Variants in LTBP4 observed in about 807,000 individuals in gnomAD.
The protein encoded by LTBP4 is latent-transforming growth factor beta-binding protein 4.
Under a neutral mutation model 180.2 loss-of-function variants are expected in LTBP4, and 93 were observed. That is an observed-to-expected ratio of 0.52 (90% CI 0.44 to 0.61). The LOEUF (loss-of-function observed/expected upper bound fraction) is 0.61. Among genes scored for constraint, LTBP4 ranks in the 20% least tolerant of loss-of-function variants. The pLI, the probability that LTBP4 is intolerant of heterozygous loss-of-function variation, is 0.00. For synonymous variants in LTBP4, 947 were observed against 934.5 expected, an observed-to-expected ratio of 1.01 and a Z score of -0.24; for missense variants, 2,116 against 2,256.5, an observed-to-expected ratio of 0.94 and a Z score of 1.26.
chr19:40,601,743 C>G lies in LTBP4; in HGVS notation c.250+106C>G. 3.3e-6 allele frequency: 3 copies of G among 898,750 alleles called. No individual in the cohort carries two copies. In the South Asian group the frequency reaches 7.4e-5, roughly 22 times the overall value. 55.7% of individuals were successfully genotyped at this position (898,750 alleles called of 1,614,324 possible). On this transcript the variant is annotated intron_variant, in intron 1 of 29. Transcript: ENST00000396819. Reference sequence around the variant, plus strand: ...GGAGAGGGAGCCCAGATTCCATATGCAATAGTGCAAGGGAATATCAGGGGC... The same window carrying G: ...GGAGAGGGAGCCCAGATTCCATATGGAATAGTGCAAGGGAATATCAGGGGC...
At position 40,614,056 on chromosome 19, in the gene LTBP4, G is replaced by T; in HGVS notation, c.2680+18G>T. On this transcript the variant is annotated intron_variant, in intron 18 of 29. Coordinates refer to ENST00000396819, the MANE Select transcript of LTBP4 (RefSeq NM_001042545.2). The stretch of plus-strand genomic sequence containing the variant: ...CTGCCTCGGTGAGAGGCCCCGCCCC[G>T]GCCTGATCCCTCCTCCCTTCGACTC... 1 of 1,610,678 alleles carries T rather than the reference G, an allele frequency of 6.2e-7. No homozygotes were observed.
At position 40,609,489 on chromosome 19, in the gene LTBP4, G is replaced by A; in HGVS notation, c.1427-41G>A. 6.2e-7 allele frequency: 1 copy of A among 1,601,468 alleles called. No homozygotes were observed. Among genetic ancestry groups the A allele is most frequent in the South Asian group, 1.1e-5 (1 of 90,848 alleles). On this transcript the variant is annotated intron_variant, in intron 9 of 29. Transcript: ENST00000396819. The surrounding 1 kb of genome is among the most constrained non-coding windows in gnomAD (Gnocchi z 4.9). Reference sequence around the variant, plus strand: ...TTTTACTGGGATGAAAGGAACGGAGGATTCAGAGATGGGGGAACCCTGGCT... The same window carrying A: ...TTTTACTGGGATGAAAGGAACGGAGAATTCAGAGATGGGGGAACCCTGGCT...
In LTBP4 at chr19:40,608,801, C is replaced by T. The variant is rs2081483344; in HGVS notation, c.1426+198C>T. On this transcript the variant is annotated intron_variant, in intron 9 of 29. Coordinates refer to ENST00000396819, the MANE Select transcript of LTBP4 (RefSeq NM_001042545.2). Reference sequence around the variant, plus strand: ...TGGCAGATGCCTGTAATCCCAGCTACTTGGGAGGCTGAGGCAGGAGAATCA... The same window carrying T: ...TGGCAGATGCCTGTAATCCCAGCTATTTGGGAGGCTGAGGCAGGAGAATCA... The T allele has an allele frequency of 2.5e-4, 131 of 518,386 alleles. 4 individuals carry two copies. In the South Asian group the frequency reaches 2.9e-3, roughly 11 times the overall value. The allele number at this position is 518,386 out of a possible 1,614,324, so 32.1% of individuals were successfully genotyped here. A position where few individuals can be genotyped will look rare whatever the true frequency, so the allele number is the denominator to read the frequency against.
At chr19:40,628,082 G>C (rs1301349737) in intron 29 of LTBP4, among the ~76,000 whole-genome samples, 3 of 152,248 alleles carry the variant, frequency 2.0e-5, no homozygotes, top group Non-Finnish European at 4.4e-5. Context: ...GGCTGGAGCC[G>C]GGCCTTGAAG....
upstream of LTBP4, chr19:40,598,444 A>G (rs2146011269): frequency 6.7e-6 from 1 of 148,630 alleles, no homozygotes; most frequent in South Asian, 2.1e-4. Flanking sequence ...CCTGGGGATA[A>G]TGGACTTGTC....
At chr19:40,612,765 T>C (rs1258255549) in intron 15 of LTBP4, among the ~76,000 whole-genome samples, 1 of 152,210 alleles carries the variant, frequency 6.6e-6, no homozygotes, top group Non-Finnish European at 1.5e-5. Context: ...CCAATGATCC[T>C]AGTTTATAAT....
At position 40,623,919 on chromosome 19, in the gene LTBP4, AATC is replaced by A. The variant is rs760541482; in HGVS notation, c.3686-13_3686-11del. 2 of 1,613,622 alleles carry A rather than the reference AATC, an allele frequency of 1.2e-6. No homozygotes were observed. The highest frequency in any genetic ancestry group is 4.5e-5 in the East Asian group (2 of 44,864). ...GGGAGAGTTGAAGGGGATGCCTCTT[AATC>A]ATCCTCTCCCTAGACAATGACGAGT... On this transcript the variant is annotated splice_polypyrimidine_tract_variant and intron_variant, in intron 25 of 29. Transcript: ENST00000396819.
In LTBP4 at chr19:40,622,447, G is replaced by A. The variant is rs1568412538; in HGVS notation, c.3264G>A (p.Leu1088=). 5 of 1,594,416 alleles carry A rather than the reference G, an allele frequency of 3.1e-6. No individual in the cohort carries two copies. In the Admixed American group the frequency reaches 6.9e-5, roughly 22 times the overall value. Residue 1088 remains leucine, a synonymous_variant, in exon 23 of 30, where the codon CTG becomes CTA. Coordinates refer to ENST00000396819, the MANE Select transcript of LTBP4 (RefSeq NM_001042545.2). The surrounding 1 kb of genome is among the most constrained non-coding windows in gnomAD (Gnocchi z 5.1). ...SQPQAPASPV[L]PARPPPPPLP... ...CCCAGGCACCTGCTAGCCCCGTTCT[G>A]CCCGCCAGGCCACCTCCGCCACCCC...
chr19:40,608,280 G>C lies in LTBP4; in HGVS notation c.1217G>C (p.Arg406Pro). The change falls in exon 8 of 30, where the codon CGC becomes CCC. Residue 406 changes from arginine (R) to proline (P), a missense_variant. Around this residue, in one of 5 missense-constraint regions of LTBP4, gnomAD observed 877 missense variants for 873.6 expected, o/e 1.00. Transcript: ENST00000396819. ...PGYHYSASDL[R>P]YNTRPLGQEP... ...TACCACTACTCGGCCTCCGACCTCC[G>C]CTACAACACCAGACCCCTGGGCCAG... 1 of 1,613,812 alleles carries C rather than the reference G, an allele frequency of 6.2e-7. No homozygotes were observed. Among genetic ancestry groups the C allele is most frequent in the Non-Finnish European group, 8.5e-7 (1 of 1,179,842 alleles).
rs2081665079 is a variant in LTBP4, at chr19:40,629,697, G to T, written c.*147G>T. On this transcript the variant is annotated 3_prime_UTR_variant, in exon 30 of 30. Coordinates refer to ENST00000396819, the MANE Select transcript of LTBP4 (RefSeq NM_001042545.2). The surrounding 1 kb of genome is among the most constrained non-coding windows in gnomAD (Gnocchi z 4.5). ...GGACGCCTGGAAGCTGCGACGCCCT[G>T]CACTGCTCCCGCCTCCACCAGCGCC... 2.4e-6 allele frequency: 2 copies of T among 817,744 alleles called. No individual in the cohort carries two copies. Among genetic ancestry groups the T allele is most frequent in the Non-Finnish European group, 3.3e-6 (2 of 605,936 alleles). 50.7% of individuals were successfully genotyped at this position (817,744 alleles called of 1,614,324 possible).
rs1044302337 is a variant in LTBP4, at chr19:40,614,459, C to G, written c.2812+13C>G. The G allele has an allele frequency of 6.3e-7, 1 of 1,596,220 alleles. No individual in the cohort carries two copies. Among genetic ancestry groups the G allele is most frequent in the Non-Finnish European group, 8.5e-7 (1 of 1,178,694 alleles). ...GGCACCTGTGACGGTGAGCCTGCCC[C>G]CACCCGCCTTCGCTAGCGCTTGCAA... On this transcript the variant is annotated intron_variant, in intron 19 of 29. Coordinates refer to ENST00000396819, the MANE Select transcript of LTBP4 (RefSeq NM_001042545.2).
intron 18 of LTBP4, 42 bp downstream of exon 18, chr19:40,614,080 TC>T (rs1289009036): frequency 6.2e-7 from 1 of 1,602,332 alleles, no homozygotes; most frequent in Non-Finnish European, 8.5e-7. Flanking sequence ...TCCCTTCGAC[TC>T]CCCGACTCGC....
At chr19:40,604,020 G>T (rs2081441631) in intron 1 of LTBP4, among the ~76,000 whole-genome samples, 1 of 152,276 alleles carries the variant, frequency 6.6e-6, no homozygotes, top group African/African-American at 2.4e-5. Flanking sequence ...GGTGCTACTG[G>T]AGGCTGTAAG....
Position 40,605,043 on chromosome 19 carries a change from C to G in LTBP4, c.259C>G (p.Pro87Ala), listed in dbSNP as rs542852677. Reference sequence around the variant, plus strand: ...CCTCGTTCTCCTCCCAGTCCTGTGTCCCTTGATCTGTCACAATGGCGGTGT... The same window carrying G: ...CCTCGTTCTCCTCCCAGTCCTGTGTGCCTTGATCTGTCACAATGGCGGTGT... The part of the protein sequence containing the change: ...GGPGFRAFLC[P>A]LICHNGGVCV... Residue 87 changes from proline (P) to alanine (A), a missense_variant, in exon 2 of 30, where the codon CCC becomes GCC. By Grantham distance (27) the Pro-to-Ala change is conservative (BLOSUM62 -1). This residue lies in a region of LTBP4 where 469 missense variants were observed against 532.5 expected (regional missense o/e 0.88). Coordinates refer to ENST00000396819, the MANE Select transcript of LTBP4 (RefSeq NM_001042545.2). The surrounding 1 kb of genome is among the most constrained non-coding windows in gnomAD (Gnocchi z 5.5). 1 of 1,612,944 alleles carries G rather than the reference C, an allele frequency of 6.2e-7. No individual in the cohort carries two copies. Among genetic ancestry groups the G allele is most frequent in the African/African-American group, 1.3e-5 (1 of 74,926 alleles).
At position 40,605,604 on chromosome 19, in the gene LTBP4, A is replaced by G; in HGVS notation, c.642A>G (p.Ser214=). ...GCGCGCCGCGGGAGGACGGCTACTC[A>G]GATGCCTCGGGCTTCGGTTACTGCT... is the stretch of plus-strand genomic sequence containing the variant. ...AQSAPREDGY[S]DASGFGYCFR... Residue 214 remains serine, a synonymous_variant, in exon 3 of 30, where the codon TCA becomes TCG. Coordinates refer to ENST00000396819, the MANE Select transcript of LTBP4 (RefSeq NM_001042545.2). This position sits in a 1 kb window ranked among gnomAD's most constrained non-coding sequence, Gnocchi z 5.5. The G allele has an allele frequency of 1.3e-6, 2 of 1,598,342 alleles. No individual in the cohort carries two copies. Among genetic ancestry groups the G allele is most frequent in the Non-Finnish European group, 1.7e-6 (2 of 1,172,554 alleles).
intron 22 of LTBP4, among the ~76,000 whole-genome samples, chr19:40,621,919 TTCTATTTTTAGTAGAG>T (rs2081588785): frequency 6.6e-6 from 1 of 152,108 alleles, no homozygotes; most frequent in Admixed American, 6.6e-5. Context: ...GGCTAATTTT[TTCTATTTTTAGTAGAG>T]ACCGGGTTTC....
chr19:40,612,240 G>A (rs1253176636), intron 15 of LTBP4, 48 bp downstream of exon 15: 18 of 1,531,880 alleles, frequency 1.2e-5, no homozygotes, highest in Middle Eastern at 1.9e-4. Context: ...CATGACCCCC[G>A]ACCCTTGACC....
chr19:40,624,183 G>A (rs2081608372), intron 26 of LTBP4, 101 bp downstream of exon 26: 1 of 1,354,542 alleles, frequency 7.4e-7, no homozygotes, highest in Non-Finnish European at 9.8e-7. Context: ...CGAAGGCCAC[G>A]CCCCATGCTC....
chr19:40,606,908 C>T (rs913881337), intron 6 of LTBP4, among the ~76,000 whole-genome samples: 1 of 152,148 alleles, frequency 6.6e-6, no homozygotes, highest in Non-Finnish European at 1.5e-5. Flanking sequence ...CCACCATGCC[C>T]GGCTAAATTT....
Sources: gnomAD v4.1 joint callset for allele counts (sites outside exome capture counted in the v4.1 genomes callset) on GRCh38, gnomAD v4.1.1 for gene constraint, gnomAD v4.1.1 regional missense constraint, Gnocchi (gnomAD v3.1) non-coding constraint, MANE v1.5 for transcripts, NCBI Gene and HGNC (gene_info 2026-07-23, HGNC 2026-07-21) for gene names.